The following NLGN1 variants were observed in gnomAD, a reference collection of about 807,000 sequenced individuals.
NLGN1 encodes neuroligin-1.
Under a neutral mutation model 65.5 loss-of-function variants are expected in NLGN1, and 12 were observed. The observed-to-expected ratio is 0.18, with a 90% CI of 0.12 to 0.30. NLGN1 has a LOEUF of 0.30. Among genes scored for constraint, NLGN1 ranks in the 10% least tolerant of loss-of-function variants. The probability of loss-of-function intolerance (pLI) is 1.00; values close to 1 mark genes in which losing one functional copy is unlikely to be tolerated. For missense variants in NLGN1, 750 were observed against 1,007.1 expected (o/e 0.74, Z 3.46); for synonymous variants, 350 against 359.5 (o/e 0.97, Z 0.30).
At chr3:173,748,053 A>C (rs35955776) in intron 3 of NLGN1, among the ~76,000 whole-genome samples, 1 of 151,120 alleles carries the variant, frequency 6.6e-6, no homozygotes, top group Non-Finnish European at 1.5e-5. Flanking sequence ...GCCCATCTCT[A>C]CCTCCCAAAG....
At position 173,923,862 on chromosome 3, in the gene NLGN1, A is replaced by G. The variant is rs1742515459; in HGVS notation, c.646+116030A>G. On this transcript the variant is annotated intron_variant, in intron 4 of 6. Coordinates refer to ENST00000457714, the Ensembl canonical transcript of NLGN1. Reference sequence around the variant, plus strand: ...TGAGAGATCATTAACAGTAATTTTTATCATAGATATCTACATGATTTTTGG... The same window carrying G: ...TGAGAGATCATTAACAGTAATTTTTGTCATAGATATCTACATGATTTTTGG... Among the ~76,000 whole-genome samples, 2 of 152,174 alleles carry G rather than the reference A, an allele frequency of 1.3e-5. 1 individual carries two copies. The highest frequency in any genetic ancestry group is 4.1e-4 in the South Asian group (2 of 4,832).
At chr3:173,494,859 T>C (rs1018573020) in intron 2 of NLGN1, among the ~76,000 whole-genome samples, 1 of 151,882 alleles carries the variant, frequency 6.6e-6, no homozygotes, top group African/African-American at 2.4e-5. Context: ...ATTTCTGATG[T>C]TGATATTCTT....
intron 2 of NLGN1, among the ~76,000 whole-genome samples, chr3:173,567,107 A>G (rs1358637247): frequency 2.0e-5 from 3 of 152,076 alleles, no homozygotes; most frequent in Non-Finnish European, 4.4e-5. Context: ...TATTCCTCTT[A>G]TTGACTTTAA....
intron 3 of NLGN1, among the ~76,000 whole-genome samples, chr3:173,771,428 T>C (rs1025402080): frequency 2.0e-5 from 3 of 152,314 alleles, no homozygotes; most frequent in Middle Eastern, 3.4e-3. Flanking sequence ...TTTGAGCACA[T>C]TGAGGAATGT....
At chr3:173,706,738 G>A (rs1036489273) in intron 3 of NLGN1, among the ~76,000 whole-genome samples, 1 of 152,186 alleles carries the variant, frequency 6.6e-6, no homozygotes, top group Non-Finnish European at 1.5e-5. Flanking sequence ...AGATCATATA[G>A]ATATAGTTAT....
At position 173,918,924 on chromosome 3, in the gene NLGN1, C is replaced by G. The variant is rs13094297; in HGVS notation, c.646+111092C>G. ...TCTATTTTCTTGCCTTTTCTATCTT[C>G]TAGGGGCTACCTGCATTCCTTGGCT... On this transcript the variant is annotated intron_variant, in intron 4 of 6. Transcript: ENST00000457714. Among the ~76,000 whole-genome samples the G allele has an allele frequency of 3.3e-5, 5 of 151,998 alleles. No individual in the cohort carries two copies. The East Asian group carries it at 9.6e-4, about 29-fold the overall frequency.
chr3:173,444,004 C>G (rs1719705459), intron 2 of NLGN1, among the ~76,000 whole-genome samples: 1 of 152,084 alleles, frequency 6.6e-6, no homozygotes, highest in African/African-American at 2.4e-5. Flanking sequence ...ATTTTTGCTC[C>G]AGTCTATTTT....
intron 4 of NLGN1, among the ~76,000 whole-genome samples, chr3:173,927,292 G>A (rs923671611): frequency 1.3e-5 from 2 of 152,164 alleles, no homozygotes; most frequent in African/African-American, 4.8e-5. Context: ...TCAAACTCCT[G>A]ACCTCGTGAT....
At chr3:174,210,936 T>C (rs1736341591) in intron 4 of NLGN1, among the ~76,000 whole-genome samples, 1 of 152,152 alleles carries the variant, frequency 6.6e-6, no homozygotes, top group African/African-American at 2.4e-5. Flanking sequence ...CCGGAATTGG[T>C]GGGTTCTTGC....
chr3:173,609,170 A>T (rs1463430305), intron 3 of NLGN1, among the ~76,000 whole-genome samples: 1 of 151,972 alleles, frequency 6.6e-6, no homozygotes, highest in Non-Finnish European at 1.5e-5. Context: ...TGGCTCATGG[A>T]TTCTCTAGAG....
chr3:173,515,127 G>A (rs182345944), intron 2 of NLGN1, among the ~76,000 whole-genome samples: 14 of 152,110 alleles, frequency 9.2e-5, no homozygotes, highest in Admixed American at 5.2e-4. Flanking sequence ...CCAACAGTGC[G>A]CAAGGGCAAC....
chr3:173,995,321 G>T (rs546732107), intron 4 of NLGN1, among the ~76,000 whole-genome samples: 1 of 152,298 alleles, frequency 6.6e-6, no homozygotes, highest in African/African-American at 2.4e-5. Flanking sequence ...CGTCTCTGTA[G>T]ACTGGCTTTC....
At chr3:174,243,253 G>A (rs1217449582) in intron 4 of NLGN1, among the ~76,000 whole-genome samples, 1 of 152,176 alleles carries the variant, frequency 6.6e-6, no homozygotes, top group Non-Finnish European at 1.5e-5. Context: ...TAAGGAAGGA[G>A]ATCATATTTA....
At chr3:173,876,077 T>C (rs774478854) in intron 4 of NLGN1, among the ~76,000 whole-genome samples, 27 of 152,084 alleles carry the variant, frequency 1.8e-4, no homozygotes, top group Non-Finnish European at 3.5e-4. Context: ...ATAGCAGTAG[T>C]GATAAAGAGT....
intron 4 of NLGN1, among the ~76,000 whole-genome samples, chr3:174,147,697 T>A (rs1272739520): frequency 1.3e-5 from 2 of 152,036 alleles, no homozygotes; most frequent in East Asian, 3.9e-4. Flanking sequence ...GCAAAACACA[T>A]TGCTCACTGG....
chr3:173,445,486 A>C (rs557792596), intron 2 of NLGN1, among the ~76,000 whole-genome samples: 85 of 152,294 alleles, frequency 5.6e-4, no homozygotes, highest in Non-Finnish European at 4.1e-4. Flanking sequence ...AGACTTGGAG[A>C]GGTTAGATAA....
intron 4 of NLGN1, among the ~76,000 whole-genome samples, chr3:173,947,721 A>G (rs1747459982): frequency 6.6e-6 from 1 of 152,198 alleles, no homozygotes; most frequent in Admixed American, 6.5e-5. Context: ...AAAATTAAAG[A>G]TAAAATTATA....
intron 4 of NLGN1, among the ~76,000 whole-genome samples, chr3:173,896,224 G>C (rs1736329928): frequency 6.6e-6 from 1 of 151,670 alleles, no homozygotes; most frequent in Non-Finnish European, 1.5e-5. Flanking sequence ...CCTATGATAA[G>C]TGCTTCTTAA....
At chr3:173,759,028 A>G (rs1777558781) in intron 3 of NLGN1, among the ~76,000 whole-genome samples, 1 of 151,778 alleles carries the variant, frequency 6.6e-6, no homozygotes, top group African/African-American at 2.4e-5. Flanking sequence ...TTCAGCCTAT[A>G]CATAGTAAGC....
Sources: gnomAD v4.1 joint callset for allele counts (sites outside exome capture counted in the v4.1 genomes callset) on GRCh38, gnomAD v4.1.1 for gene constraint, MANE v1.5 for transcripts, NCBI Gene and HGNC (gene_info 2026-07-23, HGNC 2026-07-21) for gene names.